TTLL7: variants seen among roughly 807,000 people sequenced by gnomAD.
TTLL7 encodes tubulin polyglutamylase TTLL7.
In TTLL7, 53 loss-of-function variants were observed where a neutral mutation model predicts 120.2. The ratio of observed to expected loss-of-function variants is 0.44; its 90% CI spans 0.35 to 0.55. TTLL7 has a LOEUF of 0.55. TTLL7 is among the 20% of genes least tolerant of loss of function. The pLI, the probability that TTLL7 is intolerant of heterozygous loss-of-function variation, is 0.00. For missense variants in TTLL7, 803 were observed against 1,054.7 expected, an observed-to-expected ratio of 0.76 and a Z score of 3.31; for synonymous variants, 353 against 351.7, an observed-to-expected ratio of 1.00 and a Z score of -0.04.
chr1:83,882,987 A>G lies in TTLL7; in HGVS notation c.2519T>C (p.Ile840Thr), dbSNP rs1054756819. 1.9e-6 allele frequency: 3 copies of G among 1,612,332 alleles called. No homozygotes were observed. Among genetic ancestry groups the G allele is most frequent in the Non-Finnish European group, 2.5e-6 (3 of 1,179,042 alleles). The part of the protein sequence containing the change: ...ATDKRGSLSG[I>T]GPDWGNSRYL... ...CCTGGAATTACCCCAGTCAGGACCAATGCCTGAAAGTGATCCTCTTTTGTC... is the reference window on the plus strand; with the variant it reads ...CCTGGAATTACCCCAGTCAGGACCAGTGCCTGAAAGTGATCCTCTTTTGTC... The change falls in exon 20 of 21, where the codon ATT becomes ACT. Residue 840 changes from isoleucine to threonine, a missense_variant. Physicochemically the swap from Ile to Thr is moderately conservative, Grantham distance 89. Transcript: ENST00000260505.
chr1:83,896,413 T>C (rs7532131), intron 18 of TTLL7, among the ~76,000 whole-genome samples: 3,663 of 152,170 alleles, frequency 0.024, 74 homozygotes, highest in African/African-American at 0.053. Flanking sequence ...TGCAAAAGCA[T>C]ACAGATGTTG....
chr1:83,998,956 T>C lies in TTLL7; in HGVS notation c.-202A>G. 2.3e-6 allele frequency: 1 copy of C among 431,196 alleles called. No homozygotes were observed. The highest frequency in any genetic ancestry group is 2.1e-5 in the African/African-American group (1 of 47,672). 26.7% of individuals were successfully genotyped at this position (431,196 alleles called of 1,614,324 possible). The stretch of plus-strand genomic sequence containing the variant: ...CCGGGTGAGGAAAGCCCAGCCCGGG[T>C]CCTCGCGTCCCCGCTGCAAGCGGTC... On this transcript the variant is annotated 5_prime_UTR_variant, in exon 1 of 21. Transcript: ENST00000260505.
In TTLL7 at chr1:83,921,168, T is replaced by G; in HGVS notation, c.1291-8A>C. On this transcript the variant is annotated splice_region_variant and splice_polypyrimidine_tract_variant and intron_variant, in intron 11 of 20. Transcript: ENST00000260505. ...TTGAGCGAGTCTCTCTTTCTGGAAA[T>G]GAGAAAAATTTTACAAATAAAATCC... 2 of 1,610,242 alleles carry G rather than the reference T, an allele frequency of 1.2e-6. No homozygotes were observed. Among genetic ancestry groups the G allele is most frequent in the Non-Finnish European group, 1.7e-6 (2 of 1,178,992 alleles).
rs1326870414 is a variant in TTLL7 at position 83,867,670 on chromosome 1, T to C, written c.*2292A>G. 3.9e-5 allele frequency: 6 copies of C among 152,028 alleles called. No individual in the cohort carries two copies. Among genetic ancestry groups the C allele is most frequent in the African/African-American group, 1.4e-4 (6 of 41,430 alleles). The allele number at this position is 152,028 out of a possible 1,614,324, so 9.4% of individuals were successfully genotyped here. ...CACTCCAGCAAATTAAGTAATTATT[T>C]GTGATTTAAGATAATGCAAATGAGT... On this transcript the variant is annotated 3_prime_UTR_variant, in exon 21 of 21. Transcript: ENST00000260505.
At chr1:83,913,925 C>G (rs1657881045) in intron 14 of TTLL7, among the ~76,000 whole-genome samples, 1 of 152,182 alleles carries the variant, frequency 6.6e-6, no homozygotes, top group African/African-American at 2.4e-5. Flanking sequence ...ATTGTGCCTC[C>G]AGGATATCTC....
chr1:83,919,139 A>G (rs1658430737), intron 13 of TTLL7, among the ~76,000 whole-genome samples: 1 of 152,028 alleles, frequency 6.6e-6, no homozygotes, highest in South Asian at 2.1e-4. Context: ...AGGAAAGACA[A>G]GCGGAAGAAC....
chr1:83,882,992 T>A lies in TTLL7; in HGVS notation c.2514A>T (p.Ser838=). ...AATTACCCCAGTCAGGACCAATGCCTGAAAGTGATCCTCTTTTGTCAGTTG... is the reference window on the plus strand; with the variant it reads ...AATTACCCCAGTCAGGACCAATGCCAGAAAGTGATCCTCTTTTGTCAGTTG... ...KYATDKRGSL[S]GIGPDWGNSR... Residue 838 remains serine (S), a synonymous_variant, in exon 20 of 21, where the codon TCA becomes TCT. Transcript: ENST00000260505. 6.2e-7 allele frequency: 1 copy of A among 1,612,522 alleles called. No individual in the cohort carries two copies. Among genetic ancestry groups the A allele is most frequent in the East Asian group, 2.2e-5 (1 of 44,828 alleles).
chr1:83,968,341 A>C (rs1202279890), intron 1 of TTLL7, among the ~76,000 whole-genome samples: 1 of 151,920 alleles, frequency 6.6e-6, no homozygotes, highest in Non-Finnish European at 1.5e-5. Context: ...CTTATTCATA[A>C]CCTCAATTAC....
At chr1:83,933,110 C>T (rs1659740282) in intron 9 of TTLL7, among the ~76,000 whole-genome samples, 1 of 152,084 alleles carries the variant, frequency 6.6e-6, no homozygotes, top group South Asian at 2.1e-4. Flanking sequence ...CTGAGGGAAG[C>T]CCCAGGTATA....
intron 10 of TTLL7, among the ~76,000 whole-genome samples, chr1:83,926,013 C>A (rs974140688): frequency 6.6e-6 from 1 of 151,046 alleles, no homozygotes; most frequent in Non-Finnish European, 1.5e-5. Context: ...CCCAGCTACT[C>A]GGGAGGCTGA....
intron 1 of TTLL7, among the ~76,000 whole-genome samples, chr1:83,964,593 A>G (rs993377894): frequency 2.0e-5 from 3 of 152,162 alleles, no homozygotes; most frequent in Non-Finnish European, 4.4e-5. Context: ...GAAAAAAAGT[A>G]TGCCTCCTGG....
At chr1:83,887,962 G>A (rs1655099787) in intron 19 of TTLL7, among the ~76,000 whole-genome samples, 2 of 151,968 alleles carry the variant, frequency 1.3e-5, no homozygotes, top group Non-Finnish European at 2.9e-5. Flanking sequence ...ATGATTACTA[G>A]TACTAATAGA....
intron 1 of TTLL7, among the ~76,000 whole-genome samples, chr1:83,966,245 T>A (rs1242228569): frequency 1.3e-5 from 2 of 152,124 alleles, no homozygotes. Flanking sequence ...TGGCTCAAGC[T>A]GCAACATCAG....
intron 8 of TTLL7, among the ~76,000 whole-genome samples, chr1:83,934,170 G>C (rs74966275): frequency 0.14 from 21,449 of 152,132 alleles, 1,997 homozygotes; most frequent in Non-Finnish European, 0.21. Context: ...TTACATTAGA[G>C]AAGGGTCCTT....
intron 18 of TTLL7, 95 bp from the exon 19 acceptor site, chr1:83,890,576 T>A (rs946864407): frequency 1.5e-5 from 15 of 989,828 alleles, no homozygotes; most frequent in Non-Finnish European, 2.1e-5. Context: ...CAGACCAGCC[T>A]GGGCAATATA....
chr1:83,972,527 G>A (rs919684596), intron 1 of TTLL7, among the ~76,000 whole-genome samples: 10 of 151,998 alleles, frequency 6.6e-5, no homozygotes, highest in Non-Finnish European at 1.5e-4. Flanking sequence ...CCAGGTTTTG[G>A]CAATTATGAA....
chr1:83,911,445 C>T (rs780241252), intron 14 of TTLL7, 82 bp from the exon 15 acceptor site: 17 of 1,122,844 alleles, frequency 1.5e-5, no homozygotes, highest in Non-Finnish European at 2.2e-5. Flanking sequence ...TTTTAATTTC[C>T]CCCTATGCTT....
intron 14 of TTLL7, among the ~76,000 whole-genome samples, chr1:83,911,828 TGTGG>T (rs1247057467): frequency 6.6e-6 from 1 of 151,714 alleles, no homozygotes; most frequent in Non-Finnish European, 1.5e-5. Flanking sequence ...TGTGTATGTG[TGTGG>T]TGTGTGTGTG....
chr1:83,936,548 G>A (rs1036810082), intron 8 of TTLL7, among the ~76,000 whole-genome samples: 1 of 152,048 alleles, frequency 6.6e-6, no homozygotes, highest in Non-Finnish European at 1.5e-5. Context: ...ATGGTTTTTG[G>A]AATGTCCACA....
Sources: allele counts gnomAD v4.1 joint callset (sites outside exome capture counted in the v4.1 genomes callset), GRCh38; gene constraint gnomAD v4.1.1; transcripts MANE v1.5; gene names NCBI Gene and HGNC (gene_info 2026-07-23, HGNC 2026-07-21).